Variants in GSAP observed in about 807,000 individuals in gnomAD.
The protein encoded by GSAP is gamma-secretase activating protein.
A neutral mutation model predicts 131.7 loss-of-function variants in GSAP; 118 were observed. The ratio of observed to expected loss-of-function variants is 0.90; its 90% CI spans 0.77 to 1.04. GSAP has a LOEUF of 1.04. GSAP is among the 50% of genes least tolerant of loss of function. The probability of loss-of-function intolerance (pLI) is 0.00; values close to 1 mark genes in which losing one functional copy is unlikely to be tolerated. For synonymous variants in GSAP, 381 were observed against 363.4 expected, an observed-to-expected ratio of 1.05 and a Z score of -0.55; for missense variants, 1,019 against 1,013.2, an observed-to-expected ratio of 1.01 and a Z score of -0.08.
rs3083869 is a variant in GSAP at position 77,391,125 on chromosome 7, C to CAAAA, written c.368-3681_368-3678dup. ...GTGGGCAACAGATGAGGCTCCGTCT[C>CAAAA]AAAAAAAAAAAAAAAAAAAAAAGAA... On this transcript the variant is annotated intron_variant, in intron 5 of 30. Transcript: ENST00000257626. 9.0e-3 allele frequency among the ~76,000 whole-genome samples: 587 copies of CAAAA among 65,062 alleles called. 13 individuals carry two copies. Among genetic ancestry groups the CAAAA allele is most frequent in the Non-Finnish European group, 0.012 (427 of 35,552 alleles). 42.7% of individuals were successfully genotyped at this position (65,062 alleles called of 152,430 possible). A position where few individuals can be genotyped will look rare whatever the true frequency, so the allele number is the denominator to read the frequency against.
chr7:77,402,540 A>G (rs1801514265), intron 3 of GSAP, among the ~76,000 whole-genome samples: 1 of 135,968 alleles, frequency 7.4e-6, no homozygotes, highest in Non-Finnish European at 1.6e-5. Context: ...GGTTGCAGTG[A>G]GCTGAGATGG....
intron 7 of GSAP, among the ~76,000 whole-genome samples, chr7:77,382,110 C>T (rs1299360196): frequency 6.6e-6 from 1 of 151,020 alleles, no homozygotes; most frequent in Non-Finnish European, 1.5e-5. Flanking sequence ...CTTTTATGTC[C>T]TAAACTTATT....
chr7:77,347,272 G>A lies in GSAP; in HGVS notation c.1545+2079C>T, dbSNP rs1431701628. ...AATTAATCAAACCTAAAGAGGTACC[G>A]TGGGAACCCCAACTTAAAGACAGTT... On this transcript the variant is annotated intron_variant, in intron 19 of 30. Transcript: ENST00000257626. 5.9e-5 allele frequency among the ~76,000 whole-genome samples: 9 copies of A among 152,116 alleles called. 1 individual carries two copies. The highest frequency in any genetic ancestry group is 2.0e-4 in the Admixed American group (3 of 15,266).
chr7:77,336,515 T>TC, intron 19 of GSAP, among the ~76,000 whole-genome samples: 1 of 152,136 alleles, frequency 6.6e-6, no homozygotes, highest in Non-Finnish European at 1.5e-5. Context: ...AGACAGAGTC[T>TC]CCCTCTGTCG....
At chr7:77,330,942 TTGATA>T in intron 19 of GSAP, 2 of 757,920 alleles carry the variant, frequency 2.6e-6, no homozygotes, top group Non-Finnish European at 3.2e-6. Flanking sequence ...CTTTGAATTA[TTGATA>T]TAATTGTACT....
intron 13 of GSAP, among the ~76,000 whole-genome samples, chr7:77,361,155 GGGA>G (rs892857809): frequency 7.2e-5 from 11 of 152,202 alleles, no homozygotes; most frequent in Admixed American, 2.6e-4. Flanking sequence ...GGATTGTTCA[GGGA>G]GGAGAGGATC....
Position 77,375,097 on chromosome 7 carries a change from T to A in GSAP, c.746A>T (p.Glu249Val), listed in dbSNP as rs770621970. ...GCTTAATGATATGTCCAAGGGTACTTCAAACTGTCAAAAAAATCAAAGAAA... is the reference window on the plus strand; with the variant it reads ...GCTTAATGATATGTCCAAGGGTACTACAAACTGTCAAAAAAATCAAAGAAA... ...YADESYNLMF[E>V]VPLDISLSNS... Residue 249 changes from glutamate to valine, a missense_variant, in exon 11 of 31, where the codon GAA becomes GTA. Glu to Val is a moderately radical substitution (Grantham distance 121, BLOSUM62 -2). Transcript: ENST00000257626. 5.8e-6 allele frequency: 9 copies of A among 1,556,930 alleles called. No homozygotes were observed. The East Asian group carries it at 2.0e-4, about 35-fold the overall frequency.
At position 77,377,237 on chromosome 7, in the gene GSAP, T is replaced by TAAAAAAAAAAAAAAAAAAAAAAAAAAA. The variant is rs533755073; in HGVS notation, c.681+48_681+49insTTTTTTTTTTTTTTTTTTTTTTTTTTT. Reference sequence around the variant, plus strand: ...GTCTCTAAAAAAATTAATATTTTTGTAAAAAAAAAAAAAAAAAAAAAGGAG... The same window carrying TAAAAAAAAAAAAAAAAAAAAAAAAAAA: ...GTCTCTAAAAAAATTAATATTTTTGTAAAAAAAAAAAAAAAAAAAAAAAAAAAAAAAAAAAAAAAAAAAAAAAAGGAG... On this transcript the variant is annotated intron_variant, in intron 9 of 30. Coordinates refer to ENST00000257626, the MANE Select transcript of GSAP (RefSeq NM_017439.4). The TAAAAAAAAAAAAAAAAAAAAAAAAAAA allele has an allele frequency of 1.3e-5, 12 of 894,468 alleles. No homozygotes were observed. The African/African-American group carries it at 2.9e-4, about 21-fold the overall frequency. The allele number at this position is 894,468 out of a possible 1,614,324, so 55.4% of individuals were successfully genotyped here.
At chr7:77,366,428 G>C (rs1272583924) in intron 12 of GSAP, among the ~76,000 whole-genome samples, 1 of 152,094 alleles carries the variant, frequency 6.6e-6, no homozygotes, top group Non-Finnish European at 1.5e-5. Context: ...TGTAAGGAAG[G>C]GTTCCAGTTT....
In GSAP at chr7:77,397,055, A is replaced by G. The variant is rs776324436; in HGVS notation, c.314-20T>C. ...TTGCAGCTAATGGAAAAAGAAAAAA[A>G]ATCCATTAGCAATTGATCCATATGG... On this transcript the variant is annotated intron_variant, in intron 4 of 30. Transcript: ENST00000257626. The G allele has an allele frequency of 3.9e-6, 6 of 1,542,096 alleles. No homozygotes were observed. In the Admixed American group the frequency reaches 1.0e-4, roughly 27 times the overall value.
At chr7:77,329,735 C>T (rs903870301) in intron 20 of GSAP, 1 of 171,818 alleles carries the variant, frequency 5.8e-6, no homozygotes, top group Non-Finnish European at 1.2e-5. Context: ...GACATTGGCA[C>T]AATGTGTGTG....
chr7:77,345,517 G>T (rs994540921), intron 19 of GSAP, among the ~76,000 whole-genome samples: 1 of 152,184 alleles, frequency 6.6e-6, no homozygotes, highest in Non-Finnish European at 1.5e-5. Flanking sequence ...CATCCAGATG[G>T]CCTGAAGGAA....
chr7:77,349,123 C>T (rs1452590100), intron 19 of GSAP, among the ~76,000 whole-genome samples: 2 of 152,224 alleles, frequency 1.3e-5, no homozygotes, highest in African/African-American at 4.8e-5. Context: ...CCGTAATTCT[C>T]TCCTATCTTC....
chr7:77,402,784 A>C (rs1204300868), intron 3 of GSAP, among the ~76,000 whole-genome samples: 1 of 151,684 alleles, frequency 6.6e-6, no homozygotes, highest in East Asian at 1.9e-4. Context: ...TCAGAAGAAA[A>C]ATTTGCCTGT....
chr7:77,383,350 C>T (rs1029336389), intron 6 of GSAP, among the ~76,000 whole-genome samples: 24 of 150,940 alleles, frequency 1.6e-4, no homozygotes, highest in Non-Finnish European at 7.4e-5. Context: ...ACACAGAGGT[C>T]GATATAGTCG....
intron 14 of GSAP, among the ~76,000 whole-genome samples, chr7:77,359,951 C>T (rs980002779): frequency 1.3e-5 from 2 of 152,138 alleles, no homozygotes; most frequent in Non-Finnish European, 2.9e-5. Context: ...GGCAATTTCC[C>T]ACAAATTCAG....
At chr7:77,346,847 T>C (rs1791959302) in intron 19 of GSAP, among the ~76,000 whole-genome samples, 1 of 147,732 alleles carries the variant, frequency 6.8e-6, no homozygotes, top group South Asian at 2.2e-4. Context: ...ATTTTAGGCT[T>C]CGGGACCAGG....
chr7:77,328,609 A>G lies in GSAP; in HGVS notation c.1762T>C (p.Leu588=). The G allele has an allele frequency of 6.2e-7, 1 of 1,611,522 alleles. No individual in the cohort carries two copies. The highest frequency in any genetic ancestry group is 8.5e-7 in the Non-Finnish European group (1 of 1,178,848). ...KVISNLEARN[L]GPRLTPLLQE... ...TTTATTACAGATCTTTTCTTACCCA[A>G]ATTTCTTGCTTCTAGGTTAGAAATC... The change falls in exon 22 of 31, where the codon TTG becomes CTG. Residue 588 remains leucine (L), a synonymous_variant. Transcript: ENST00000257626.
At chr7:77,351,512 T>C in intron 18 of GSAP, 2 of 980,386 alleles carry the variant, frequency 2.0e-6, no homozygotes, top group Non-Finnish European at 2.4e-6. Context: ...ATTTTCAAGA[T>C]TAGAAGAGAC....
Sources: allele counts gnomAD v4.1 joint callset (sites outside exome capture counted in the v4.1 genomes callset), GRCh38; gene constraint gnomAD v4.1.1; transcripts MANE v1.5; gene names NCBI Gene and HGNC (gene_info 2026-07-23, HGNC 2026-07-21).